The following PDE1A variants were observed in gnomAD, a reference collection of about 807,000 sequenced individuals.
The protein encoded by PDE1A is dual specificity calcium/calmodulin-dependent 3',5'-cyclic nucleotide phosphodiesterase 1A.
A neutral mutation model predicts 61.7 loss-of-function variants in PDE1A; 35 were observed. That is an observed-to-expected ratio of 0.57 (90% CI 0.43 to 0.75). The LOEUF is 0.75. Among genes scored for constraint, PDE1A ranks in the 30% least tolerant of loss-of-function variants. PDE1A has a pLI of 0.00. For synonymous variants in PDE1A, 232 were observed against 213.2 expected (o/e 1.09, Z -0.77); for missense variants, 597 against 630.6 (o/e 0.95, Z 0.57).
At chr2:182,261,667 G>T (rs1472177201) in intron 2 of PDE1A, among the ~76,000 whole-genome samples, 1 of 151,868 alleles carries the variant, frequency 6.6e-6, no homozygotes, top group Non-Finnish European at 1.5e-5. Flanking sequence ...TATACTTTAG[G>T]TATAATATAC....
chr2:182,201,490 C>T lies in PDE1A; in HGVS notation c.1074G>A (p.Trp358Ter). ...CCATGGTCCACCGATAATGCAGCTT[C>T]CAGGATTTGGCTGGGTGGCTGATGT... Residue 358 changes from tryptophan to a stop codon, truncating the protein, a stop_gained, in exon 10 of 14, where the codon TGG becomes TGA. Transcript: ENST00000351439. LOFTEE classifies it high-confidence loss of function. The T allele has an allele frequency of 6.2e-7, 1 of 1,614,072 alleles. No homozygotes were observed. Among genetic ancestry groups the T allele is most frequent in the Non-Finnish European group, 8.5e-7 (1 of 1,180,010 alleles).
chr2:182,567,176 T>A, the PDE1A span, among the ~76,000 whole-genome samples: 31 of 152,318 alleles, frequency 2.0e-4, no homozygotes, highest in Non-Finnish European at 3.8e-4. Context: ...GCTATAACAT[T>A]ACCATGAGAG....
chr2:182,260,361 C>T (rs1246789265), intron 2 of PDE1A, among the ~76,000 whole-genome samples: 2 of 152,128 alleles, frequency 1.3e-5, no homozygotes, highest in Non-Finnish European at 2.9e-5. Context: ...GGACCTGACT[C>T]CTTTTACATA....
In PDE1A at chr2:182,252,681, GT is replaced by G. The variant is rs1691488014; in HGVS notation, c.167+11619del. ...AAGGGTGGGAGCATGCCCCAGATAA[GT>G]TTCCAGGATCCTGCAGCAGAAGCCA... On this transcript the variant is annotated intron_variant, in intron 2 of 13. Coordinates refer to ENST00000351439, the Ensembl canonical transcript of PDE1A. 2.0e-5 allele frequency among the ~76,000 whole-genome samples: 3 copies of G among 152,306 alleles called. No homozygotes were observed. The South Asian group carries it at 6.2e-4, about 32-fold the overall frequency.
At chr2:182,295,306 C>T (rs766570215) in intron 1 of PDE1A, among the ~76,000 whole-genome samples, 20 of 151,810 alleles carry the variant, frequency 1.3e-4, no homozygotes, top group Non-Finnish European at 2.2e-4. Flanking sequence ...GATCTCCTGA[C>T]CTCATGATCC....
intron 13 of PDE1A, among the ~76,000 whole-genome samples, chr2:182,156,922 T>A (rs1172995584): frequency 6.6e-6 from 1 of 151,756 alleles, no homozygotes; most frequent in East Asian, 1.9e-4. Context: ...GCTTAAAAAA[T>A]CAAAAGATGT....
At chr2:182,684,167 T>A in the PDE1A span, among the ~76,000 whole-genome samples, 1 of 145,158 alleles carries the variant, frequency 6.9e-6, no homozygotes, top group Non-Finnish European at 1.5e-5. Context: ...CAACAGAGGA[T>A]CATTTTGTAA....
chr2:182,319,393 G>A (rs1162537726), intron 1 of PDE1A, among the ~76,000 whole-genome samples: 13 of 151,942 alleles, frequency 8.6e-5, no homozygotes, highest in Admixed American at 8.5e-4. Flanking sequence ...TTTGTTTTCT[G>A]GGCTTAAGTT....
At chr2:182,585,793 G>A in the PDE1A span, among the ~76,000 whole-genome samples, 1 of 152,116 alleles carries the variant, frequency 6.6e-6, no homozygotes, top group African/African-American at 2.4e-5. Flanking sequence ...CAGAATAATA[G>A]ATCATAAATC....
At chr2:182,559,168 G>C in the PDE1A span, among the ~76,000 whole-genome samples, 1 of 152,010 alleles carries the variant, frequency 6.6e-6, no homozygotes, top group African/African-American at 2.4e-5. Context: ...AAAATTAAAG[G>C]CTGAATAAGT....
At chr2:182,307,610 G>A (rs1695673255) in intron 1 of PDE1A, among the ~76,000 whole-genome samples, 1 of 152,078 alleles carries the variant, frequency 6.6e-6, no homozygotes, top group Non-Finnish European at 1.5e-5. Flanking sequence ...TTAGGAAAAT[G>A]AAAGTTAAAA....
chr2:182,203,490 AT>A (rs940501715), intron 8 of PDE1A, among the ~76,000 whole-genome samples: 1 of 152,114 alleles, frequency 6.6e-6, no homozygotes, highest in African/African-American at 2.4e-5. Context: ...TCTCAATTAC[AT>A]TTTTTTCGCT....
downstream of PDE1A, among the ~76,000 whole-genome samples, chr2:182,144,847 C>G (rs1055491432): frequency 6.6e-6 from 1 of 152,116 alleles, no homozygotes; most frequent in Non-Finnish European, 1.5e-5. Flanking sequence ...CTTTAAGAAC[C>G]TTTCTTAACC....
intron 1 of PDE1A, among the ~76,000 whole-genome samples, chr2:182,280,101 C>G (rs1156699947): frequency 6.6e-6 from 1 of 151,796 alleles, no homozygotes; most frequent in African/African-American, 2.4e-5. Context: ...CATTACATAG[C>G]TGAATAGTGT....
intron 7 of PDE1A, among the ~76,000 whole-genome samples, chr2:182,212,055 G>C (rs943791584): frequency 3.3e-5 from 5 of 152,000 alleles, no homozygotes; most frequent in African/African-American, 1.2e-4. Context: ...AAAATTAGTT[G>C]TGAGAGGGGA....
the PDE1A span, among the ~76,000 whole-genome samples, chr2:182,678,125 T>G: frequency 6.6e-6 from 1 of 152,130 alleles, no homozygotes; most frequent in African/African-American, 2.4e-5. Flanking sequence ...TGTAACGCCA[T>G]TAAGAAAGAG....
chr2:182,473,386 A>G (rs1687157083), intron 2 of PDE1A, among the ~76,000 whole-genome samples: 1 of 151,972 alleles, frequency 6.6e-6, no homozygotes, highest in Non-Finnish European at 1.5e-5. Flanking sequence ...TCATCTGACA[A>G]AGGGCTAATA....
chr2:182,641,039 A>T, the PDE1A span, among the ~76,000 whole-genome samples: 1 of 151,056 alleles, frequency 6.6e-6, no homozygotes. Context: ...AAGAAGAAGA[A>T]GAAGATATAC....
the PDE1A span, chr2:182,716,250 G>C: frequency 6.6e-6 from 1 of 152,424 alleles, no homozygotes; most frequent in Non-Finnish European, 1.5e-5. Flanking sequence ...TCCGCGCCAG[G>C]CCCCGCCCCG....
Sources: gnomAD v4.1 joint callset for allele counts (sites outside exome capture counted in the v4.1 genomes callset) on GRCh38, gnomAD v4.1.1 for gene constraint, MANE v1.5 for transcripts, NCBI Gene and HGNC (gene_info 2026-07-23, HGNC 2026-07-21) for gene names.